Variants in DNMT1 observed in about 807,000 individuals in gnomAD.
DNMT1 encodes DNA methyltransferase 1, also known as DNA (cytosine-5)-methyltransferase 1.
In DNMT1, 24 loss-of-function variants were observed where a neutral mutation model predicts 205.3. The ratio of observed to expected loss-of-function variants is 0.12; its 90% CI spans 0.08 to 0.16. The LOEUF is 0.16. DNMT1 is among the 10% of genes least tolerant of loss of function. The pLI, the probability that DNMT1 is intolerant of heterozygous loss-of-function variation, is 1.00. For synonymous variants in DNMT1, 817 were observed against 839.8 expected, an observed-to-expected ratio of 0.97 and a Z score of 0.47; for missense variants, 1,293 against 2,177.7, an observed-to-expected ratio of 0.59 and a Z score of 8.09.
intron 2 of DNMT1, among the ~76,000 whole-genome samples, chr19:10,181,699 C>T (rs975718447): frequency 4.6e-5 from 7 of 151,882 alleles, no homozygotes; most frequent in Admixed American, 6.6e-5. Context: ...CATGGTGGTG[C>T]GTGCCTGTAG....
At chr19:10,134,093 C>A (rs1346001356) in intron 40 of DNMT1, 124 bp downstream of exon 40, 2 of 947,416 alleles carry the variant, frequency 2.1e-6, no homozygotes, top group Non-Finnish European at 3.4e-6. Context: ...AAAGATGGGG[C>A]CACGAACGTG....
At chr19:10,158,147 G>T (rs1316690022) in intron 17 of DNMT1, among the ~76,000 whole-genome samples, 1 of 152,206 alleles carries the variant, frequency 6.6e-6, no homozygotes, top group Admixed American at 6.5e-5. Context: ...GGCAGCCCCA[G>T]CCCCAGGCTC....
chr19:10,186,415 G>A (rs1166089268), intron 1 of DNMT1, among the ~76,000 whole-genome samples: 2 of 152,100 alleles, frequency 1.3e-5, no homozygotes, highest in African/African-American at 4.8e-5. Context: ...AAGCCAGGAG[G>A]GTCGCAGACA....
chr19:10,162,880 C>A (rs1401762435), intron 12 of DNMT1, 132 bp from the exon 13 acceptor site: 5 of 952,232 alleles, frequency 5.3e-6, no homozygotes, highest in African/African-American at 4.9e-5. Context: ...TATAGGCACA[C>A]TGCCAGCTTG....
chr19:10,169,697 C>T (rs2038773785), intron 9 of DNMT1, among the ~76,000 whole-genome samples: 2 of 151,940 alleles, frequency 1.3e-5, no homozygotes, highest in Admixed American at 6.6e-5. Context: ...ACCTGGGAAG[C>T]GGAGCTTGAA....
At chr19:10,134,478 T>C (rs1010486131) in intron 39 of DNMT1, among the ~76,000 whole-genome samples, 171 bp from the exon 40 acceptor site, 1 of 152,220 alleles carries the variant, frequency 6.6e-6, no homozygotes, top group African/African-American at 2.4e-5. Flanking sequence ...CACAAGATCC[T>C]TGGACCCTCC....
intron 1 of DNMT1, among the ~76,000 whole-genome samples, chr19:10,182,481 AT>A (rs1568256370): frequency 3.1e-4 from 39 of 126,518 alleles, no homozygotes; most frequent in African/African-American, 1.1e-3. Context: ...ATATATACAT[AT>A]ATATGTGTAT....
At position 10,180,505 on chromosome 19, in the gene DNMT1, T is replaced by C. The variant is rs16999593; in HGVS notation, c.290A>G (p.His97Arg). 13,306 of 1,614,168 alleles carry C rather than the reference T, an allele frequency of 8.2e-3. 1,034 individuals carry two copies. In the East Asian group the frequency reaches 0.19, roughly 23 times the overall value. ...TCCATTCACTTCCCGGTTGTAAGCA[T>C]GAGCACCGTTCTCCAAGGACAAATC... ...NKDLSLENGA[H>R]AYNREVNGRL... Residue 97 changes from histidine to arginine, a missense_variant, in exon 4 of 41, where the codon CAT becomes CGT. By Grantham distance (29) the His-to-Arg change is conservative. Around this residue, in one of 13 missense-constraint regions of DNMT1, gnomAD observed 394 missense variants for 451.6 expected, o/e 0.87. Coordinates refer to ENST00000359526, the MANE Select transcript of DNMT1 (RefSeq NM_001130823.3).
chr19:10,136,405 G>C, intron 37 of DNMT1, 118 bp from the exon 38 acceptor site: 1 of 1,308,874 alleles, frequency 7.6e-7, no homozygotes. Context: ...GCCCCCTGGG[G>C]TGGAGCAGCC....
chr19:10,154,748 T>A lies in DNMT1; in HGVS notation c.1670A>T (p.Asn557Ile). 1 of 1,614,206 alleles carries A rather than the reference T, an allele frequency of 6.2e-7. No individual in the cohort carries two copies. The highest frequency in any genetic ancestry group is 8.5e-7 in the Non-Finnish European group (1 of 1,180,032). Reference sequence around the variant, plus strand: ...GGAGTCCTCTGTGAAGCGGTTCAAGTTGAGGCCAGAAGGAGGAACCGTGGT... The same window carrying A: ...GGAGTCCTCTGTGAAGCGGTTCAAGATGAGGCCAGAAGGAGGAACCGTGGT... ...IETTVPPSGL[N>I]LNRFTEDSLL... is the part of the protein sequence containing the mutation. The change falls in exon 21 of 41, where the codon AAC (asparagine) becomes ATC (isoleucine). Residue 557 changes from asparagine to isoleucine, a missense_variant. Asn to Ile is a moderately radical substitution (Grantham distance 149, BLOSUM62 -3). This residue lies in a region of DNMT1 where 120 missense variants were observed against 315.9 expected (regional missense o/e 0.38). Coordinates refer to ENST00000359526, the MANE Select transcript of DNMT1 (RefSeq NM_001130823.3). This position sits in a 1 kb window ranked among gnomAD's most constrained non-coding sequence, Gnocchi z 6.3.
chr19:10,140,750 G>C lies in DNMT1; in HGVS notation c.3523+31C>G. 2.5e-6 allele frequency: 4 copies of C among 1,613,950 alleles called. No individual in the cohort carries two copies. Among genetic ancestry groups the C allele is most frequent in the Middle Eastern group, 3.3e-4 (2 of 6,056 alleles). ...CACCTGCCCGGTCTGGGCTCACCAGGTATTCAGAGATGGAGCCTACGGGCG... is the reference window on the plus strand; with the variant it reads ...CACCTGCCCGGTCTGGGCTCACCAGCTATTCAGAGATGGAGCCTACGGGCG... On this transcript the variant is annotated intron_variant, in intron 32 of 40. Coordinates refer to ENST00000359526, the MANE Select transcript of DNMT1 (RefSeq NM_001130823.3). This position sits in a 1 kb window ranked among gnomAD's most constrained non-coding sequence, Gnocchi z 8.4.
intron 28 of DNMT1, 105 bp from the exon 29 acceptor site, chr19:10,144,092 G>T: frequency 1.8e-6 from 2 of 1,138,716 alleles, no homozygotes; most frequent in Non-Finnish European, 1.3e-6. Context: ...AGCACCTGAT[G>T]AATTAAGGTA....
chr19:10,139,948 G>T, intron 33 of DNMT1, 98 bp downstream of exon 33: 1 of 1,594,874 alleles, frequency 6.3e-7, no homozygotes, highest in Admixed American at 1.7e-5. Context: ...TGAGCTTCCG[G>T]GGGGCAGAGG....
Position 10,133,592 on chromosome 19 carries a change from G to T in DNMT1, c.*75C>A. The T allele has an allele frequency of 6.6e-7, 1 of 1,505,536 alleles. No individual in the cohort carries two copies. The highest frequency in any genetic ancestry group is 1.4e-5 in the African/African-American group (1 of 72,300). 93.3% of individuals were successfully genotyped at this position (1,505,536 alleles called of 1,614,324 possible). ...TACCACACATGTGAACGGACAGATT[G>T]ACATGTTAAAAACACAACATCAGTG... On this transcript the variant is annotated 3_prime_UTR_variant, in exon 41 of 41. Transcript: ENST00000359526. The surrounding 1 kb of genome is among the most constrained non-coding windows in gnomAD (Gnocchi z 4.1).
At position 10,146,210 on chromosome 19, in the gene DNMT1, T is replaced by C; in HGVS notation, c.2894+141A>G. 2.1e-6 allele frequency: 2 copies of C among 974,350 alleles called. No homozygotes were observed. 60.4% of individuals were successfully genotyped at this position (974,350 alleles called of 1,614,324 possible). On this transcript the variant is annotated intron_variant, in intron 28 of 40. Transcript: ENST00000359526. This position sits in a 1 kb window ranked among gnomAD's most constrained non-coding sequence, Gnocchi z 4.4. Reference sequence around the variant, plus strand: ...AGTCTACACGATTTATGTTGTCTGTTTGCCACCTATGCCAACGTGACGGCT... The same window carrying C: ...AGTCTACACGATTTATGTTGTCTGTCTGCCACCTATGCCAACGTGACGGCT...
chr19:10,166,473 G>A (rs2038695344), intron 11 of DNMT1, 125 bp downstream of exon 11: 3 of 1,129,372 alleles, frequency 2.7e-6, no homozygotes, highest in Non-Finnish European at 4.0e-6. Context: ...GAGTCTGGAT[G>A]GCCCCATGGA....
chr19:10,181,418 C>G (rs2039044039), intron 2 of DNMT1, among the ~76,000 whole-genome samples: 1 of 151,988 alleles, frequency 6.6e-6, no homozygotes, highest in South Asian at 2.1e-4. Flanking sequence ...CACTGCACTC[C>G]AGCCTGGGCT....
rs187155805 is a variant in DNMT1, at chr19:10,141,781, G to C, written c.3309+247C>G. 1,038 of 550,674 alleles carry C rather than the reference G, an allele frequency of 1.9e-3. 17 individuals are homozygous for C. In the Admixed American group the frequency reaches 0.029, roughly 15 times the overall value. The allele number at this position is 550,674 out of a possible 1,614,324, so 34.1% of individuals were successfully genotyped here. ...ACACTAAAACGTTAGGTTCTCTAAT[G>C]ACGTACTTTTTAAAAACCAGGAGTG... is the stretch of plus-strand genomic sequence containing the variant. On this transcript the variant is annotated intron_variant, in intron 30 of 40. Coordinates refer to ENST00000359526, the MANE Select transcript of DNMT1 (RefSeq NM_001130823.3).
rs2039369645 is a variant in DNMT1, at chr19:10,194,665, A to G, written c.80+155T>C. ...CCGGGCACGCGCGACCGGAAGTGCCACCCTGCCCGCGCCAACTGCCGCTGC... is the reference window on the plus strand; with the variant it reads ...CCGGGCACGCGCGACCGGAAGTGCCGCCCTGCCCGCGCCAACTGCCGCTGC... On this transcript the variant is annotated intron_variant, in intron 1 of 40. Coordinates refer to ENST00000359526, the MANE Select transcript of DNMT1 (RefSeq NM_001130823.3). 2.8e-6 allele frequency: 3 copies of G among 1,085,756 alleles called. No individual in the cohort carries two copies. The South Asian group carries it at 5.8e-5, about 21-fold the overall frequency. 67.3% of individuals were successfully genotyped at this position (1,085,756 alleles called of 1,614,324 possible). A position where few individuals can be genotyped will look rare whatever the true frequency, so the allele number is the denominator to read the frequency against.
Sources: gnomAD v4.1 joint callset for allele counts (sites outside exome capture counted in the v4.1 genomes callset) on GRCh38, gnomAD v4.1.1 for gene constraint, gnomAD v4.1.1 regional missense constraint, Gnocchi (gnomAD v3.1) non-coding constraint, MANE v1.5 for transcripts, NCBI Gene and HGNC (gene_info 2026-07-23, HGNC 2026-07-21) for gene names.